Variants in WWOX observed in about 807,000 individuals in gnomAD.
WWOX encodes WW domain containing oxidoreductase, also known as WW domain-containing oxidoreductase.
Under a neutral mutation model 46.2 loss-of-function variants are expected in WWOX, and 69 were observed. The ratio of observed to expected loss-of-function variants is 1.49; its 90% confidence interval spans 1.23 to 1.82. The LOEUF (loss-of-function observed/expected upper bound fraction) is 1.82. Ranked by LOEUF, WWOX falls within the 40% of genes most tolerant of loss-of-function variation. The pLI is 0.00. For synonymous variants in WWOX, 359 were observed against 202.6 expected, an observed-to-expected ratio of 1.77 and a Z score of -6.56; for missense variants, 919 against 542.6, an observed-to-expected ratio of 1.69 and a Z score of -6.89.
At position 79,081,656 on chromosome 16, in the gene WWOX, C is replaced by G. The variant is rs999866642; in HGVS notation, c.1057-129952C>G. On this transcript the variant is annotated intron_variant, in intron 8 of 8. Coordinates refer to ENST00000566780, the MANE Select transcript of WWOX (RefSeq NM_016373.4). ...CTCACTGCATTATATTTGAGTGAGACCCGTATCAATGGATTGAAATTCTCA... is the reference window on the plus strand; with the variant it reads ...CTCACTGCATTATATTTGAGTGAGAGCCGTATCAATGGATTGAAATTCTCA... Among the ~76,000 whole-genome samples the G allele has an allele frequency of 4.1e-4, 63 of 152,112 alleles. 4 individuals carry two copies. Among genetic ancestry groups the G allele is most frequent in the Non-Finnish European group, 2.6e-4 (18 of 68,032 alleles).
chr16:79,212,238 G>T lies in WWOX; in HGVS notation c.*442G>T, dbSNP rs1257476766. 7.4e-7 allele frequency: 1 copy of T among 1,354,290 alleles called. No individual in the cohort carries two copies. Among genetic ancestry groups the T allele is most frequent in the Admixed American group, 2.8e-5 (1 of 35,224 alleles). 83.9% of individuals were successfully genotyped at this position (1,354,290 alleles called of 1,614,324 possible). On this transcript the variant is annotated 3_prime_UTR_variant, in exon 9 of 9. Coordinates refer to ENST00000566780, the MANE Select transcript of WWOX (RefSeq NM_016373.4). ...AAGCAAGTGTTCACTGCTCCTTGCT[G>T]CATTGATCCAGGAGATAATTGTTTC...
At chr16:79,174,801 T>G (rs952852954) in intron 8 of WWOX, among the ~76,000 whole-genome samples, 1 of 152,180 alleles carries the variant, frequency 6.6e-6, no homozygotes, top group Non-Finnish European at 1.5e-5. Context: ...TTTGATAACT[T>G]TAACAGAAAT....
At chr16:78,797,084 C>A (rs949294599) in intron 8 of WWOX, among the ~76,000 whole-genome samples, 2 of 152,058 alleles carry the variant, frequency 1.3e-5, no homozygotes, top group South Asian at 2.1e-4. Context: ...CCTCAGCCTC[C>A]TAAAGTGTTG....
chr16:78,866,025 G>A (rs997651041), intron 8 of WWOX, among the ~76,000 whole-genome samples: 2 of 152,188 alleles, frequency 1.3e-5, no homozygotes, highest in Admixed American at 6.5e-5. Flanking sequence ...AGCATTCACA[G>A]CATCCGTGAG....
At chr16:78,427,838 C>CG (rs1344839544) in intron 7 of WWOX, among the ~76,000 whole-genome samples, 1 of 151,932 alleles carries the variant, frequency 6.6e-6, no homozygotes, top group African/African-American at 2.4e-5. Flanking sequence ...CAGTGTCTCA[C>CG]GCCTGTAATC....
intron 6 of WWOX, among the ~76,000 whole-genome samples, chr16:78,410,308 G>T (rs532406451): frequency 3.0e-4 from 45 of 152,254 alleles, no homozygotes; most frequent in African/African-American, 9.6e-4. Context: ...TGCAAGAATA[G>T]CTTAACACAC....
chr16:78,315,111 T>C (rs1038985444), intron 5 of WWOX, among the ~76,000 whole-genome samples: 4 of 152,214 alleles, frequency 2.6e-5, no homozygotes, highest in African/African-American at 7.2e-5. Context: ...TTTAATTTTG[T>C]CACTTTTTCT....
intron 8 of WWOX, among the ~76,000 whole-genome samples, chr16:78,478,816 T>A (rs566894052): frequency 9.9e-5 from 15 of 152,192 alleles, no homozygotes; most frequent in African/African-American, 3.1e-4. Flanking sequence ...TAAATTTATT[T>A]TTTATTTATT....
At chr16:78,270,131 G>C (rs2079446974) in intron 5 of WWOX, 1 of 151,838 alleles carries the variant, frequency 6.6e-6, no homozygotes, top group South Asian at 2.1e-4. Context: ...ACATAAATCT[G>C]CTTGATTGGT....
chr16:79,194,472 T>A (rs946335870), intron 8 of WWOX, among the ~76,000 whole-genome samples: 4 of 152,134 alleles, frequency 2.6e-5, no homozygotes, highest in Non-Finnish European at 5.9e-5. Context: ...GGTTATGAAC[T>A]CACAGAGGAA....
chr16:78,174,998 G>GTAATAA (rs368742234), intron 5 of WWOX, among the ~76,000 whole-genome samples: 39,965 of 140,520 alleles, frequency 0.28, 5,800 homozygotes, highest in Admixed American at 0.32. Flanking sequence ...AAAAATAATA[G>GTAATAA]TAATAATAAT....
At chr16:79,115,335 T>C (rs916607860) in intron 8 of WWOX, among the ~76,000 whole-genome samples, 1 of 152,142 alleles carries the variant, frequency 6.6e-6, no homozygotes, top group African/African-American at 2.4e-5. Context: ...CCAACAAGAA[T>C]TGGAAACAGC....
At chr16:78,971,182 C>A (rs1355995691) in intron 8 of WWOX, among the ~76,000 whole-genome samples, 3 of 151,918 alleles carry the variant, frequency 2.0e-5, no homozygotes, top group Non-Finnish European at 4.4e-5. Context: ...TTTTTAGGGC[C>A]GGGCACGGTG....
chr16:78,670,912 G>A (rs1193204256), intron 8 of WWOX, among the ~76,000 whole-genome samples: 1 of 151,930 alleles, frequency 6.6e-6, no homozygotes, highest in Non-Finnish European at 1.5e-5. Context: ...AATGTCCTTA[G>A]CAGAGACAGA....
chr16:78,481,369 C>T (rs1276735836), intron 8 of WWOX, among the ~76,000 whole-genome samples: 1 of 151,996 alleles, frequency 6.6e-6, no homozygotes. Flanking sequence ...TATCCTCTGC[C>T]TACTAGAAGG....
At chr16:78,319,601 C>A (rs7205025) in intron 5 of WWOX, among the ~76,000 whole-genome samples, 2 of 152,012 alleles carry the variant, frequency 1.3e-5, no homozygotes, top group East Asian at 1.9e-4. Context: ...GACTCCAGAG[C>A]TATAAAAGAA....
chr16:78,849,585 A>AG (rs1356636050), intron 8 of WWOX, among the ~76,000 whole-genome samples: 2 of 151,092 alleles, frequency 1.3e-5, no homozygotes, highest in East Asian at 3.9e-4. Context: ...AAAAAAAAAA[A>AG]AAAAAAAGAA....
At chr16:78,109,191 G>A (rs1484682423) in intron 2 of WWOX, among the ~76,000 whole-genome samples, 2 of 152,140 alleles carry the variant, frequency 1.3e-5, no homozygotes, top group Admixed American at 6.6e-5. Context: ...CCACGGAATA[G>A]AAGTATAAGA....
chr16:78,915,266 C>T lies in WWOX; in HGVS notation c.1057-296342C>T, dbSNP rs536046479. On this transcript the variant is annotated intron_variant, in intron 8 of 8. Coordinates refer to ENST00000566780, the MANE Select transcript of WWOX (RefSeq NM_016373.4). ...GTTCCCTTTACATGACCATTCCAGT[C>T]ATGAAACAGAGAATCTGGTCACCTG... 5.9e-5 allele frequency among the ~76,000 whole-genome samples: 9 copies of T among 152,314 alleles called. No homozygotes were observed. The South Asian group carries it at 1.4e-3, about 25-fold the overall frequency.
Sources: gnomAD v4.1 joint callset for allele counts (sites outside exome capture counted in the v4.1 genomes callset) on GRCh38, gnomAD v4.1.1 for gene constraint, MANE v1.5 for transcripts, NCBI Gene and HGNC (gene_info 2026-07-23, HGNC 2026-07-21) for gene names.